FNDC3B: variants seen among roughly 807,000 people sequenced by gnomAD.
The protein encoded by FNDC3B is fibronectin type III domain-containing protein 3B.
In FNDC3B, 12 loss-of-function variants were observed where a neutral mutation model predicts 151.5. The ratio of observed to expected loss-of-function variants is 0.08; its 90% CI spans 0.05 to 0.13. The LOEUF (loss-of-function observed/expected upper bound fraction) is 0.13, where lower values mean the gene tolerates loss of function less well. Ranked by LOEUF, FNDC3B falls within the 10% of genes least tolerant of loss-of-function variation. The pLI, the probability that FNDC3B is intolerant of heterozygous loss-of-function variation, is 1.00. For missense variants in FNDC3B, 1,214 were observed against 1,505.3 expected, an observed-to-expected ratio of 0.81 and a Z score of 3.20; for synonymous variants, 528 against 549.0, an observed-to-expected ratio of 0.96 and a Z score of 0.54.
chr3:172,296,034 G>C (rs562025084), intron 8 of FNDC3B, among the ~76,000 whole-genome samples: 7 of 152,264 alleles, frequency 4.6e-5, no homozygotes, highest in African/African-American at 1.4e-4. Flanking sequence ...GAAGGGATTA[G>C]CCCCTTCTGC....
chr3:172,258,980 C>A lies in FNDC3B; in HGVS notation c.790+7439C>A, dbSNP rs138669983. On this transcript the variant is annotated intron_variant, in intron 6 of 25. Transcript: ENST00000415807. Reference sequence around the variant, plus strand: ...GAGTTGGCAGGGTTCTTCTTTTCCCCCAGAGTATCTGCTTCCCTTACTGCA... The same window carrying A: ...GAGTTGGCAGGGTTCTTCTTTTCCCACAGAGTATCTGCTTCCCTTACTGCA... Among the ~76,000 whole-genome samples, 19 of 152,250 alleles carry A rather than the reference C, an allele frequency of 1.2e-4. No homozygotes were observed. The East Asian group carries it at 3.7e-3, about 29-fold the overall frequency.
At chr3:172,263,599 T>G (rs1728770084) in intron 6 of FNDC3B, among the ~76,000 whole-genome samples, 1 of 108,496 alleles carries the variant, frequency 9.2e-6, no homozygotes, top group Non-Finnish European at 2.5e-5. Context: ...TTTTTTTTTT[T>G]TTTTTTTTTT....
At chr3:172,109,213 T>C (rs1027978594) in intron 1 of FNDC3B, among the ~76,000 whole-genome samples, 1 of 144,560 alleles carries the variant, frequency 6.9e-6, no homozygotes, top group Admixed American at 7.1e-5. Context: ...TCACCCAGGC[T>C]GGAGTGCAGT....
intron 1 of FNDC3B, among the ~76,000 whole-genome samples, chr3:172,057,190 T>A (rs1235886616): frequency 2.0e-5 from 3 of 152,222 alleles, no homozygotes; most frequent in African/African-American, 7.2e-5. Context: ...TTCTGTTTTT[T>A]AAGAGCGATC....
intron 13 of FNDC3B, among the ~76,000 whole-genome samples, chr3:172,331,149 T>C (rs933658726): frequency 1.3e-5 from 2 of 152,202 alleles, no homozygotes; most frequent in Admixed American, 1.3e-4. Context: ...ATACAGAGCC[T>C]GGGTGGAGAA....
At chr3:172,385,478 C>T (rs955373244) in intron 25 of FNDC3B, among the ~76,000 whole-genome samples, 12 of 152,046 alleles carry the variant, frequency 7.9e-5, no homozygotes, top group Non-Finnish European at 1.8e-4. Context: ...TTTATACCTG[C>T]AGTGGTGACA....
At chr3:172,393,200 A>G (rs1736106881) in intron 25 of FNDC3B, among the ~76,000 whole-genome samples, 1 of 152,114 alleles carries the variant, frequency 6.6e-6, no homozygotes, top group East Asian at 1.9e-4. Context: ...GGAAAAAGAT[A>G]CTCCATGCAA....
chr3:172,152,800 C>T (rs1722298712), intron 3 of FNDC3B, among the ~76,000 whole-genome samples: 1 of 152,120 alleles, frequency 6.6e-6, no homozygotes, highest in Non-Finnish European at 1.5e-5. Flanking sequence ...GCTATTTCAG[C>T]TCTTTCCCCT....
chr3:172,329,158 G>T (rs1380754894), intron 12 of FNDC3B, 82 bp downstream of exon 12: 2 of 1,478,872 alleles, frequency 1.4e-6, no homozygotes, highest in African/African-American at 2.8e-5. Flanking sequence ...GAAGGCATGA[G>T]GAAGCCTGCT....
chr3:172,188,113 A>G (rs189160092), intron 3 of FNDC3B, among the ~76,000 whole-genome samples: 18 of 150,416 alleles, frequency 1.2e-4, no homozygotes, highest in African/African-American at 4.4e-4. Flanking sequence ...CTCCTGCCTC[A>G]GCCTCCCTAG....
chr3:172,271,911 GC>G (rs1290102383), intron 6 of FNDC3B, among the ~76,000 whole-genome samples: 1 of 152,200 alleles, frequency 6.6e-6, no homozygotes, highest in East Asian at 1.9e-4. Context: ...CCTAATAATG[GC>G]ATTCTAGAAG....
At chr3:172,114,958 A>G (rs1290475002) in intron 2 of FNDC3B, among the ~76,000 whole-genome samples, 10 of 152,208 alleles carry the variant, frequency 6.6e-5, no homozygotes, top group Non-Finnish European at 1.2e-4. Flanking sequence ...CTTGGTTCCA[A>G]GCTATTACTT....
chr3:172,330,891 T>A (rs1166187959), intron 13 of FNDC3B, among the ~76,000 whole-genome samples, 176 bp downstream of exon 13: 4 of 152,198 alleles, frequency 2.6e-5, no homozygotes, highest in African/African-American at 9.7e-5. Context: ...GTAAATGACA[T>A]TTCCATCCTT....
intron 4 of FNDC3B, among the ~76,000 whole-genome samples, chr3:172,229,451 C>G (rs1576819052): frequency 1.3e-5 from 2 of 151,906 alleles, no homozygotes; most frequent in Middle Eastern, 6.8e-3. Context: ...CATTATTTCC[C>G]CCTGTCTGGA....
At chr3:172,197,105 T>C (rs993347089) in intron 3 of FNDC3B, among the ~76,000 whole-genome samples, 4 of 151,984 alleles carry the variant, frequency 2.6e-5, no homozygotes, top group Admixed American at 2.0e-4. Context: ...CACTTGAACC[T>C]GGGAGGTGGA....
intron 6 of FNDC3B, among the ~76,000 whole-genome samples, chr3:172,280,603 T>C (rs1174347253): frequency 6.6e-6 from 1 of 152,260 alleles, no homozygotes; most frequent in Non-Finnish European, 1.5e-5. Context: ...AGAAATAATG[T>C]TGATGTCATC....
At chr3:172,173,479 T>C (rs942490264) in intron 3 of FNDC3B, among the ~76,000 whole-genome samples, 3 of 151,938 alleles carry the variant, frequency 2.0e-5, no homozygotes, top group African/African-American at 7.2e-5. Context: ...AGTTACTGTA[T>C]GACTCACGTT....
At chr3:172,093,492 T>C (rs554495130) in intron 1 of FNDC3B, among the ~76,000 whole-genome samples, 1 of 151,386 alleles carries the variant, frequency 6.6e-6, no homozygotes, top group South Asian at 2.1e-4. Context: ...TCTCCTGACC[T>C]CGTGATCCGC....
At chr3:172,152,814 T>C (rs1458176777) in intron 3 of FNDC3B, among the ~76,000 whole-genome samples, 1 of 152,170 alleles carries the variant, frequency 6.6e-6, no homozygotes, top group Non-Finnish European at 1.5e-5. Context: ...TTCCCCTTAA[T>C]CATGTTGGTT....
Sources: gnomAD v4.1 joint callset for allele counts (sites outside exome capture counted in the v4.1 genomes callset) on GRCh38, gnomAD v4.1.1 for gene constraint, MANE v1.5 for transcripts, NCBI Gene and HGNC (gene_info 2026-07-23, HGNC 2026-07-21) for gene names.